The following DLGAP1 variants were observed in gnomAD, a reference collection of about 807,000 sequenced individuals.
DLGAP1 encodes the protein DLG associated protein 1, also known as disks large-associated protein 1.
Under a neutral mutation model 90.8 loss-of-function variants are expected in DLGAP1, and 11 were observed. The observed-to-expected ratio is 0.12, with a 90% CI of 0.08 to 0.20. The LOEUF (loss-of-function observed/expected upper bound fraction) is 0.20, where lower values mean the gene tolerates loss of function less well. Ranked by LOEUF, DLGAP1 falls within the 10% of genes least tolerant of loss-of-function variation. The pLI, the probability that DLGAP1 is intolerant of heterozygous loss-of-function variation, is 1.00. For synonymous variants in DLGAP1, 558 were observed against 540.7 expected (o/e 1.03, Z -0.44); for missense variants, 1,050 against 1,333.8 (o/e 0.79, Z 3.31).
chr18:3,764,886 C>G (rs891808528), intron 5 of DLGAP1, among the ~76,000 whole-genome samples: 1 of 151,978 alleles, frequency 6.6e-6, no homozygotes. Context: ...AGGTGAGTGG[C>G]GTCAACTTTG....
At chr18:3,874,550 A>AAC in intron 4 of DLGAP1, 2 of 1,472,886 alleles carry the variant, frequency 1.4e-6, no homozygotes, top group Non-Finnish European at 1.8e-6. Context: ...CAACAACAAA[A>AAC]ACCACCTTTT....
At chr18:3,534,055 C>G in intron 10 of DLGAP1, 139 bp downstream of exon 10, 1 of 934,354 alleles carries the variant, frequency 1.1e-6, no homozygotes, top group South Asian at 1.7e-5. Context: ...TCACCTAGCT[C>G]TCCTGCATGT....
intron 2 of DLGAP1, among the ~76,000 whole-genome samples, chr18:4,093,289 A>G (rs1396217322): frequency 2.0e-5 from 3 of 152,168 alleles, no homozygotes; most frequent in Non-Finnish European, 4.4e-5. Flanking sequence ...GAAAAACCCA[A>G]TGTGACTCTA....
chr18:3,822,024 G>GAAAAA, intron 4 of DLGAP1: 1 of 662,362 alleles, frequency 1.5e-6, no homozygotes, highest in Non-Finnish European at 1.8e-6. Flanking sequence ...AGCAAAAACA[G>GAAAAA]AAAAAAAAAA....
At chr18:4,326,437 T>A (rs1598905666) in intron 1 of DLGAP1, among the ~76,000 whole-genome samples, 1 of 152,110 alleles carries the variant, frequency 6.6e-6, no homozygotes, top group South Asian at 2.1e-4. Flanking sequence ...GTGTGGCATA[T>A]CCTGAAAGAA....
At chr18:4,446,230 C>T (rs1244276690) in intron 1 of DLGAP1, among the ~76,000 whole-genome samples, 1 of 152,098 alleles carries the variant, frequency 6.6e-6, no homozygotes, top group Non-Finnish European at 1.5e-5. Context: ...TAGGCATACT[C>T]GGGTCTGGAG....
chr18:3,659,560 C>CTT (rs200662417), intron 7 of DLGAP1, among the ~76,000 whole-genome samples: 4 of 142,312 alleles, frequency 2.8e-5, no homozygotes, highest in African/African-American at 1.0e-4. Context: ...AGCTCAATAT[C>CTT]TTTTTTTTTT....
At chr18:3,982,895 T>A (rs2073765225) in intron 3 of DLGAP1, among the ~76,000 whole-genome samples, 1 of 152,200 alleles carries the variant, frequency 6.6e-6, no homozygotes, top group South Asian at 2.1e-4. Flanking sequence ...TTGTTTTGAA[T>A]TTTTTTCTTA....
chr18:3,962,101 G>C (rs889113567), intron 3 of DLGAP1, among the ~76,000 whole-genome samples: 1 of 152,046 alleles, frequency 6.6e-6, no homozygotes, highest in Non-Finnish European at 1.5e-5. Flanking sequence ...GGGAATTTTT[G>C]CTTGAGATTA....
chr18:4,123,948 A>C (rs972047553), intron 2 of DLGAP1, among the ~76,000 whole-genome samples: 2 of 152,192 alleles, frequency 1.3e-5, no homozygotes, highest in African/African-American at 4.8e-5. Flanking sequence ...TGTTTCTTAA[A>C]AGCAGAAGGT....
In DLGAP1 at chr18:3,840,045, C is replaced by T. The variant is rs544423352; in HGVS notation, c.958-25772G>A. Among the ~76,000 whole-genome samples the T allele has an allele frequency of 1.2e-4, 18 of 152,350 alleles. No homozygotes were observed. The East Asian group carries it at 2.3e-3, about 20-fold the overall frequency. On this transcript the variant is annotated intron_variant, in intron 4 of 12. Coordinates refer to ENST00000315677, the MANE Select transcript of DLGAP1 (RefSeq NM_004746.4). ...CCCTCTCTTTCTAGACTTCCTCTAG[C>T]GCCAGCGTTGCAATTCCTCTGACCA... is the stretch of plus-strand genomic sequence containing the variant.
At chr18:3,753,556 A>T (rs1321359551) in intron 5 of DLGAP1, among the ~76,000 whole-genome samples, 1 of 152,132 alleles carries the variant, frequency 6.6e-6, no homozygotes, top group Non-Finnish European at 1.5e-5. Context: ...GTTCTGATAT[A>T]TTGCTGAGAA....
chr18:4,132,264 A>T (rs1416592676), intron 2 of DLGAP1, among the ~76,000 whole-genome samples: 1 of 152,190 alleles, frequency 6.6e-6, no homozygotes, highest in African/African-American at 2.4e-5. Flanking sequence ...TATATCATTT[A>T]GTGAAGACCC....
At chr18:4,036,743 A>AG (rs1302522766) in intron 2 of DLGAP1, among the ~76,000 whole-genome samples, 2 of 152,084 alleles carry the variant, frequency 1.3e-5, no homozygotes, top group Non-Finnish European at 2.9e-5. Flanking sequence ...AGAATTTTTC[A>AG]GGGGGGGAAG....
At chr18:3,894,202 C>CTTT (rs2071556040) in intron 3 of DLGAP1, among the ~76,000 whole-genome samples, 1 of 152,100 alleles carries the variant, frequency 6.6e-6, no homozygotes, top group South Asian at 2.1e-4. Context: ...TGTACAGAAG[C>CTTT]TTTTTAATTT....
chr18:3,737,661 A>G (rs1278985576), intron 6 of DLGAP1, among the ~76,000 whole-genome samples: 1 of 138,388 alleles, frequency 7.2e-6, no homozygotes, highest in Non-Finnish European at 1.6e-5. Context: ...ACCCACAGCC[A>G]ATATCATACT....
rs1319781260 is a variant in DLGAP1, at chr18:4,342,446, ACT to A, written c.-267+112558_-267+112559del. ...ACTACTAAGACTAAATGGTTTTAAA[ACT>A]CTGCTTTCTTTTAAATAAGAGCCAT... On this transcript the variant is annotated intron_variant, in intron 1 of 12. Coordinates refer to ENST00000315677, the MANE Select transcript of DLGAP1 (RefSeq NM_004746.4). The surrounding 1 kb of genome is among the most constrained non-coding windows in gnomAD (Gnocchi z 5.8). Among the ~76,000 whole-genome samples the A allele has an allele frequency of 6.6e-6, 1 of 151,944 alleles. No individual in the cohort carries two copies. Among genetic ancestry groups the A allele is most frequent in the Non-Finnish European group, 1.5e-5 (1 of 67,982 alleles).
chr18:3,849,683 A>G (rs2069225421), intron 4 of DLGAP1, among the ~76,000 whole-genome samples: 1 of 152,192 alleles, frequency 6.6e-6, no homozygotes, highest in Admixed American at 6.5e-5. Context: ...TAGTAAACTG[A>G]CATTCATTTG....
At chr18:3,668,038 G>T (rs1015689013) in intron 7 of DLGAP1, among the ~76,000 whole-genome samples, 1 of 152,052 alleles carries the variant, frequency 6.6e-6, no homozygotes, top group African/African-American at 2.4e-5. Flanking sequence ...ACCTAAACAG[G>T]CATTGTCACA....
Sources: gnomAD v4.1 joint callset for allele counts (sites outside exome capture counted in the v4.1 genomes callset) on GRCh38, gnomAD v4.1.1 for gene constraint, Gnocchi (gnomAD v3.1) non-coding constraint, MANE v1.5 for transcripts, NCBI Gene and HGNC (gene_info 2026-07-23, HGNC 2026-07-21) for gene names.